Variants in FGFR1 observed in about 807,000 individuals in gnomAD.
FGFR1 encodes fibroblast growth factor receptor 1, also known as FGFR1/PLAG1 fusion.
Under a neutral mutation model 93.7 loss-of-function variants are expected in FGFR1, and 18 were observed. That is an observed-to-expected ratio of 0.19 (90% CI 0.13 to 0.28). FGFR1 has a LOEUF of 0.28. FGFR1 is among the 10% of genes least tolerant of loss of function. The pLI is 1.00. For missense variants in FGFR1, 731 were observed against 1,080.4 expected, an observed-to-expected ratio of 0.68 and a Z score of 4.53; for synonymous variants, 448 against 429.3, an observed-to-expected ratio of 1.04 and a Z score of -0.54.
intron 1 of FGFR1, chr8:38,461,361 G>C (rs1434987679): frequency 1.7e-5 from 9 of 524,582 alleles, no homozygotes; most frequent in Non-Finnish European, 1.0e-5. Context: ...CTGAGACAGA[G>C]TGTTGCTCTG....
At chr8:38,466,899 CCCCCCCA>C in intron 1 of FGFR1, among the ~76,000 whole-genome samples, 2 of 150,314 alleles carry the variant, frequency 1.3e-5, no homozygotes, top group Non-Finnish European at 3.0e-5. Flanking sequence ...CACCCCACCC[CCCCCCCA>C]CCACCACCAA....
At chr8:38,443,425 T>A (rs545216461) in intron 2 of FGFR1, among the ~76,000 whole-genome samples, 11 of 149,884 alleles carry the variant, frequency 7.3e-5, no homozygotes, top group Non-Finnish European at 1.5e-4. Flanking sequence ...TTCGGGAGGC[T>A]GAGGTGAGAG....
At position 38,411,296 on chromosome 8, in the gene FGFR1, C is replaced by T. The variant is rs1814356654; in HGVS notation, c.*2332G>A. On this transcript the variant is annotated 3_prime_UTR_variant, in exon 18 of 18. Transcript: ENST00000447712. ...AAGGACTTATGAAGACTTTTAGATTCTTCATCCCTTCACACAACATTGCTT... is the reference window on the plus strand; with the variant it reads ...AAGGACTTATGAAGACTTTTAGATTTTTCATCCCTTCACACAACATTGCTT... 4.7e-6 allele frequency: 1 copy of T among 210,784 alleles called. No homozygotes were observed. Among genetic ancestry groups the T allele is most frequent in the Non-Finnish European group, 9.6e-6 (1 of 103,962 alleles). The allele number at this position is 210,784 out of a possible 1,614,324, so 13.1% of individuals were successfully genotyped here. A position where few individuals can be genotyped will look rare whatever the true frequency, so the allele number is the denominator to read the frequency against.
Position 38,413,812 on chromosome 8 carries a change from G to A in FGFR1, c.2293-8C>T, listed in dbSNP as rs1815235712. 1 of 1,614,014 alleles carries A rather than the reference G, an allele frequency of 6.2e-7. No individual in the cohort carries two copies. The highest frequency in any genetic ancestry group is 8.5e-7 in the Non-Finnish European group (1 of 1,179,936). On this transcript the variant is annotated splice_polypyrimidine_tract_variant and splice_region_variant and intron_variant, in intron 17 of 17. Transcript: ENST00000447712. The surrounding 1 kb of genome is among the most constrained non-coding windows in gnomAD (Gnocchi z 4.2). ...GGACAGGTCCAGGTACTCCTGTGAT[G>A]GGCGAGAGGAAGCAGCGATGGGCCG...
intron 7 of FGFR1, chr8:38,423,954 T>C (rs1181341492): frequency 5.3e-6 from 1 of 188,970 alleles, no homozygotes; most frequent in African/African-American, 2.4e-5. Flanking sequence ...GCAATTACCT[T>C]CCCTGGATTA....
chr8:38,441,664 G>T (rs560967824), intron 2 of FGFR1, among the ~76,000 whole-genome samples: 22 of 152,216 alleles, frequency 1.4e-4, no homozygotes, highest in Admixed American at 3.3e-4. Context: ...ATGCCCTGCG[G>T]CTATGGAGGA....
Position 38,426,382 on chromosome 8 carries a change from G to C in FGFR1, c.622-137C>G. 2 of 1,286,316 alleles carry C rather than the reference G, an allele frequency of 1.6e-6. No homozygotes were observed. The highest frequency in any genetic ancestry group is 2.2e-6 in the Non-Finnish European group (2 of 898,422). 79.7% of individuals were successfully genotyped at this position (1,286,316 alleles called of 1,614,324 possible). A position where few individuals can be genotyped will look rare whatever the true frequency, so the allele number is the denominator to read the frequency against. On this transcript the variant is annotated intron_variant, in intron 5 of 17. Transcript: ENST00000447712. The surrounding 1 kb of genome is among the most constrained non-coding windows in gnomAD (Gnocchi z 4.1). ...GGGCCCCAGGCTGCAGGGTTGGCTA[G>C]GACAAGGCGTGGATTGCCCCCCTAC... is the stretch of plus-strand genomic sequence containing the variant.
chr8:38,426,176 T>C lies in FGFR1; in HGVS notation c.691A>G (p.Ile231Val), dbSNP rs1820691008. The change falls in exon 6 of 18, where the codon ATT becomes GTT. Residue 231 changes from isoleucine (I) to valine (V), a missense_variant. Around this residue, in one of 10 missense-constraint regions of FGFR1, gnomAD observed 109 missense variants for 249.4 expected, o/e 0.44. Transcript: ENST00000447712. This position sits in a 1 kb window ranked among gnomAD's most constrained non-coding sequence, Gnocchi z 4.1. ...VPSDKGNYTC[I>V]VENEYGSINH... Reference sequence around the variant, plus strand: ...ATGCTGCCGTACTCATTCTCCACAATGCAGGTGTAGTTGCCCTTGTCAGAG... The same window carrying C: ...ATGCTGCCGTACTCATTCTCCACAACGCAGGTGTAGTTGCCCTTGTCAGAG... 6.2e-7 allele frequency: 1 copy of C among 1,614,066 alleles called. No individual in the cohort carries two copies. Among genetic ancestry groups the C allele is most frequent in the African/African-American group, 1.3e-5 (1 of 74,914 alleles).
rs1374018167 is a variant in FGFR1 at position 38,417,854 on chromosome 8, C to A, written c.1552+16G>T. 3 of 1,614,206 alleles carry A rather than the reference C, an allele frequency of 1.9e-6. No homozygotes were observed. The highest frequency in any genetic ancestry group is 2.5e-6 in the Non-Finnish European group (3 of 1,180,028). ...TGGGACAAGATTTTCTTTGCAAGGA[C>A]AGAAGCATCACTTACACTTCAACAT... On this transcript the variant is annotated intron_variant, in intron 11 of 17. Coordinates refer to ENST00000447712, the MANE Select transcript of FGFR1 (RefSeq NM_023110.3).
rs1017355016 is a variant in FGFR1, at chr8:38,468,312, G to T, written c.-420C>A. ...CTTTCCTTGCAGACCGGGCTCCATC[G>T]CCCTGCGGAGGCCCCGGCGCCGCGG... is the stretch of plus-strand genomic sequence containing the variant. On this transcript the variant is annotated 5_prime_UTR_variant, in exon 1 of 18. Coordinates refer to ENST00000447712, the MANE Select transcript of FGFR1 (RefSeq NM_023110.3). 2.2e-5 allele frequency: 5 copies of T among 228,024 alleles called. No homozygotes were observed. Among genetic ancestry groups the T allele is most frequent in the Non-Finnish European group, 3.5e-5 (4 of 114,658 alleles). 14.1% of individuals were successfully genotyped at this position (228,024 alleles called of 1,614,324 possible).
chr8:38,424,813 G>T lies in FGFR1; in HGVS notation c.746-114C>A. 3 of 1,069,948 alleles carry T rather than the reference G, an allele frequency of 2.8e-6. No individual in the cohort carries two copies. The highest frequency in any genetic ancestry group is 4.1e-6 in the Non-Finnish European group (3 of 738,444). 66.3% of individuals were successfully genotyped at this position (1,069,948 alleles called of 1,614,324 possible). On this transcript the variant is annotated intron_variant, in intron 6 of 17. Coordinates refer to ENST00000447712, the MANE Select transcript of FGFR1 (RefSeq NM_023110.3). This position sits in a 1 kb window ranked among gnomAD's most constrained non-coding sequence, Gnocchi z 4.3. The stretch of plus-strand genomic sequence containing the variant: ...CCAGTGATGGGTTGTAAACCTCCCA[G>T]CACTTCTGCTGAGCCCAAGCCTCTC...
At chr8:38,436,255 G>A (rs543162906) in intron 2 of FGFR1, among the ~76,000 whole-genome samples, 1 of 152,124 alleles carries the variant, frequency 6.6e-6, no homozygotes, top group South Asian at 2.1e-4. Context: ...CATGCCTGTA[G>A]TCCCCAGGCA....
rs1268646843 is a variant in FGFR1, at chr8:38,414,918, G to A, written c.1855-17C>T. On this transcript the variant is annotated splice_polypyrimidine_tract_variant and intron_variant, in intron 13 of 17. Transcript: ENST00000447712. ...GTGTATGCACTGAGGAAGGAGGAAG[G>A]GAGAGCGGGAGGCGGGGAGGTGAGG... 1 of 1,608,528 alleles carries A rather than the reference G, an allele frequency of 6.2e-7. No individual in the cohort carries two copies. Among genetic ancestry groups the A allele is most frequent in the Non-Finnish European group, 8.5e-7 (1 of 1,177,202 alleles).
intron 1 of FGFR1, among the ~76,000 whole-genome samples, chr8:38,460,547 C>A (rs1169432659): frequency 6.6e-6 from 1 of 152,148 alleles, no homozygotes; most frequent in Non-Finnish European, 1.5e-5. Context: ...CTGCAGACCG[C>A]CCTCTCTCAG....
At position 38,419,740 on chromosome 8, in the gene FGFR1, G is replaced by A. The variant is rs1445628634; in HGVS notation, c.1082-5C>T. 3 of 1,613,924 alleles carry A rather than the reference G, an allele frequency of 1.9e-6. No individual in the cohort carries two copies. Among genetic ancestry groups the A allele is most frequent in the Non-Finnish European group, 2.5e-6 (3 of 1,179,904 alleles). ...CTGCCGGCCTCTCTTCCAGGGCTGAGTCAGTGCGAACAGGGTGTTAGCAGG... is the reference window on the plus strand; with the variant it reads ...CTGCCGGCCTCTCTTCCAGGGCTGAATCAGTGCGAACAGGGTGTTAGCAGG... On this transcript the variant is annotated splice_polypyrimidine_tract_variant and splice_region_variant and intron_variant, in intron 8 of 17. Coordinates refer to ENST00000447712, the MANE Select transcript of FGFR1 (RefSeq NM_023110.3).
intron 2 of FGFR1, among the ~76,000 whole-genome samples, chr8:38,453,790 GC>G (rs990535076): frequency 1.9e-4 from 29 of 152,158 alleles, no homozygotes; most frequent in African/African-American, 7.0e-4. Context: ...TACTTAGGAG[GC>G]TGAGGCAGGA....
chr8:38,447,633 C>G (rs1029882890), intron 2 of FGFR1, among the ~76,000 whole-genome samples: 2 of 152,134 alleles, frequency 1.3e-5, no homozygotes, highest in African/African-American at 4.8e-5. Context: ...AGGTGGCCGC[C>G]ATCATGACCG....
chr8:38,455,433 G>C (rs995726571), intron 2 of FGFR1, among the ~76,000 whole-genome samples: 6 of 152,218 alleles, frequency 3.9e-5, no homozygotes, highest in Admixed American at 2.6e-4. Flanking sequence ...TGGGACTACA[G>C]GCGCCTGCCA....
chr8:38,461,184 A>G, intron 1 of FGFR1: 2 of 1,506,846 alleles, frequency 1.3e-6, no homozygotes, highest in Non-Finnish European at 1.8e-6. Flanking sequence ...CTGATCCAAC[A>G]TACAGGGTGG....
Sources: allele counts gnomAD v4.1 joint callset (sites outside exome capture counted in the v4.1 genomes callset), GRCh38; gene constraint gnomAD v4.1.1; regional missense constraint gnomAD v4.1.1; non-coding constraint Gnocchi (gnomAD v3.1); transcripts MANE v1.5; gene names NCBI Gene and HGNC (gene_info 2026-07-23, HGNC 2026-07-21).